The following METTL25 variants were observed in gnomAD, a reference collection of about 807,000 sequenced individuals.
METTL25 encodes probable methyltransferase-like protein 25.
In METTL25, 64 loss-of-function variants were observed where a neutral mutation model predicts 71.6. The observed-to-expected ratio is 0.89, with a 90% CI of 0.73 to 1.10. The LOEUF (loss-of-function observed/expected upper bound fraction) is 1.10. Among genes scored for constraint, METTL25 ranks in the 50% least tolerant of loss-of-function variants. METTL25 has a pLI of 0.00. For synonymous variants in METTL25, 287 were observed against 250.3 expected (o/e 1.15, Z -1.38); for missense variants, 807 against 707.0 (o/e 1.14, Z -1.60).
At chr12:82,442,833 T>C (rs915885173) in intron 8 of METTL25, among the ~76,000 whole-genome samples, 16 of 152,074 alleles carry the variant, frequency 1.1e-4, no homozygotes, top group Non-Finnish European at 2.1e-4. Flanking sequence ...ATAAAATATT[T>C]TTTGTCAGAG....
At chr12:82,448,449 A>G (rs1256880000) in intron 8 of METTL25, among the ~76,000 whole-genome samples, 1 of 152,140 alleles carries the variant, frequency 6.6e-6, no homozygotes, top group African/African-American at 2.4e-5. Context: ...AGGGGAATAA[A>G]ATGCCAAGGA....
chr12:82,386,581 T>G (rs1457550295), intron 1 of METTL25, among the ~76,000 whole-genome samples: 1 of 151,928 alleles, frequency 6.6e-6, no homozygotes, highest in East Asian at 1.9e-4. Flanking sequence ...GAGTTTCAAT[T>G]TTTAATTGCA....
At chr12:82,469,570 C>G (rs956065978) in intron 9 of METTL25, among the ~76,000 whole-genome samples, 1 of 152,002 alleles carries the variant, frequency 6.6e-6, no homozygotes, top group Non-Finnish European at 1.5e-5. Context: ...CACCAGGTCC[C>G]TCCCAGGACA....
intron 2 of METTL25, among the ~76,000 whole-genome samples, chr12:82,389,279 T>C (rs967329132): frequency 2.0e-5 from 3 of 151,838 alleles, no homozygotes; most frequent in Admixed American, 6.6e-5. Context: ...TAGTGGAGCA[T>C]AGAATGTTAA....
intron 3 of METTL25, among the ~76,000 whole-genome samples, chr12:82,392,066 TTTA>T (rs993978746): frequency 9.5e-5 from 2 of 21,090 alleles, no homozygotes; most frequent in Admixed American, 6.3e-4. Flanking sequence ...TTTGCCCATT[TTTA>T]TTTTTTTATT....
intron 1 of METTL25, among the ~76,000 whole-genome samples, chr12:82,361,050 G>T (rs1428665142): frequency 1.3e-5 from 2 of 152,134 alleles, no homozygotes; most frequent in Admixed American, 1.3e-4. Context: ...GGTTGTCGCT[G>T]CTGGCGCCAG....
chr12:82,364,428 G>C (rs139289488), intron 1 of METTL25, among the ~76,000 whole-genome samples: 4 of 152,280 alleles, frequency 2.6e-5, no homozygotes, highest in Non-Finnish European at 5.9e-5. Context: ...TGACGTTCTT[G>C]TTTTTGTCTG....
intron 1 of METTL25, among the ~76,000 whole-genome samples, chr12:82,375,401 A>T: frequency 6.6e-6 from 1 of 151,714 alleles, no homozygotes; most frequent in Non-Finnish European, 1.5e-5. Flanking sequence ...TATGCTGGCG[A>T]TTGGTTTGTT....
intron 4 of METTL25, among the ~76,000 whole-genome samples, chr12:82,400,327 G>A (rs780241176): frequency 4.9e-5 from 7 of 143,886 alleles, no homozygotes; most frequent in Non-Finnish European, 7.7e-5. Context: ...GCGAGACGGT[G>A]TCCCCCCCAA....
rs747731767 is a variant in METTL25 at position 82,358,573 on chromosome 12, C to T, written c.8C>T (p.Ala3Val). The T allele has an allele frequency of 6.8e-6, 11 of 1,610,762 alleles. No homozygotes were observed. The highest frequency in any genetic ancestry group is 8.5e-6 in the Non-Finnish European group (10 of 1,179,656). The change falls in exon 1 of 12, where the codon GCT becomes GTT. Residue 3 changes from alanine (A) to valine (V), a missense_variant. Ala to Val is a moderately conservative substitution (Grantham distance 64). Transcript: ENST00000248306. The stretch of plus-strand genomic sequence containing the variant: ...CCTCGGAGGGTGAGCGTCATGGCGG[C>T]TTCTTGCCCTCTCCCGGTGACCCCG... MA[A>V]SCPLPVTPDL...
intron 1 of METTL25, among the ~76,000 whole-genome samples, chr12:82,385,655 T>G (rs1884918724): frequency 6.6e-6 from 1 of 152,172 alleles, no homozygotes; most frequent in Admixed American, 6.6e-5. Context: ...GAGATTGAAC[T>G]AATCTGTCAG....
chr12:82,402,227 G>A lies in METTL25; in HGVS notation c.1132-756G>A, dbSNP rs114453754. Among the ~76,000 whole-genome samples, 513 of 151,876 alleles carry A rather than the reference G, an allele frequency of 3.4e-3. 5 individuals carry two copies. The highest frequency in any genetic ancestry group is 0.012 in the African/African-American group (478 of 41,486). Reference sequence around the variant, plus strand: ...AATTTTATATTGTCATAGTTGATGCGGTGTATAAACTAAGCTTTTTGTTGT... The same window carrying A: ...AATTTTATATTGTCATAGTTGATGCAGTGTATAAACTAAGCTTTTTGTTGT... On this transcript the variant is annotated intron_variant, in intron 4 of 11. Transcript: ENST00000248306.
At chr12:82,461,743 A>G (rs960933314) in intron 9 of METTL25, among the ~76,000 whole-genome samples, 2 of 152,362 alleles carry the variant, frequency 1.3e-5, no homozygotes, top group Non-Finnish European at 2.9e-5. Context: ...AATCTTACTA[A>G]AGAGTTAAAG....
intron 7 of METTL25, among the ~76,000 whole-genome samples, chr12:82,435,121 T>TA (rs1230739228): frequency 6.6e-6 from 1 of 151,502 alleles, no homozygotes; most frequent in Non-Finnish European, 1.5e-5. Context: ...ATTTTTTCTT[T>TA]ACTGACTTGA....
intron 6 of METTL25, among the ~76,000 whole-genome samples, chr12:82,433,697 C>G (rs1382261373): frequency 6.6e-6 from 1 of 151,252 alleles, no homozygotes; most frequent in Admixed American, 6.6e-5. Context: ...AAAAATTGCT[C>G]TTATACTTAT....
At chr12:82,445,964 A>G (rs772121764) in intron 8 of METTL25, among the ~76,000 whole-genome samples, 4 of 152,196 alleles carry the variant, frequency 2.6e-5, no homozygotes, top group South Asian at 2.1e-4. Flanking sequence ...GGAGTAGTCA[A>G]CAGTTACATG....
At chr12:82,446,510 A>G (rs199581318) in intron 8 of METTL25, among the ~76,000 whole-genome samples, 1 of 4,310 alleles carries the variant, frequency 2.3e-4, no homozygotes, top group Non-Finnish European at 9.0e-4. Context: ...ATCAATAACA[A>G]GAGAACCTTT....
intron 3 of METTL25, among the ~76,000 whole-genome samples, chr12:82,397,102 C>T (rs1464384736): frequency 1.3e-5 from 2 of 151,978 alleles, no homozygotes; most frequent in African/African-American, 4.8e-5. Flanking sequence ...TTTCATTTCT[C>T]TTAGATAAAT....
intron 11 of METTL25, among the ~76,000 whole-genome samples, chr12:82,478,391 G>T (rs912720581): frequency 6.6e-6 from 1 of 151,354 alleles, no homozygotes; most frequent in Non-Finnish European, 1.5e-5. Flanking sequence ...TAAAATACAG[G>T]ATATATAATA....
Sources: allele counts gnomAD v4.1 joint callset (sites outside exome capture counted in the v4.1 genomes callset), GRCh38; gene constraint gnomAD v4.1.1; transcripts MANE v1.5; gene names NCBI Gene and HGNC (gene_info 2026-07-23, HGNC 2026-07-21).